PDZD2: variants seen among roughly 807,000 people sequenced by gnomAD.
PDZD2 encodes the protein PDZ domain containing 2, also known as PDZ domain-containing protein 2.
PDZD2 carries 90 observed loss-of-function variants against 220.7 expected under a neutral mutation model. The ratio of observed to expected loss-of-function variants is 0.41; its 90% confidence interval spans 0.34 to 0.49. The LOEUF (loss-of-function observed/expected upper bound fraction) is 0.49, where lower values mean the gene tolerates loss of function less well. PDZD2 is among the 20% of genes least tolerant of loss of function. The pLI, the probability that PDZD2 is intolerant of heterozygous loss-of-function variation, is 0.28. For synonymous variants in PDZD2, 1,375 were observed against 1,450.5 expected (o/e 0.95, Z 1.18); for missense variants, 3,174 against 3,608.5 (o/e 0.88, Z 3.08).
At chr5:31,725,277 G>T (rs1749053656) in intron 1 of PDZD2, among the ~76,000 whole-genome samples, 1 of 149,040 alleles carries the variant, frequency 6.7e-6, no homozygotes, top group African/African-American at 2.5e-5. Flanking sequence ...GGCGGAGGTT[G>T]TGGTGAGCCA....
intron 2 of PDZD2, among the ~76,000 whole-genome samples, chr5:31,861,055 G>T (rs1046059355): frequency 6.6e-6 from 1 of 152,270 alleles, no homozygotes; most frequent in East Asian, 1.9e-4. Context: ...AAAGTCTGTC[G>T]TGGAGTTTCT....
chr5:31,984,955 CAA>C (rs1251852756), intron 3 of PDZD2, among the ~76,000 whole-genome samples: 1 of 152,110 alleles, frequency 6.6e-6, no homozygotes, highest in African/African-American at 2.4e-5. Context: ...GCCCCTCTCT[CAA>C]GAGATTATGT....
chr5:31,819,091 C>A (rs1755655769), intron 2 of PDZD2, among the ~76,000 whole-genome samples: 1 of 152,222 alleles, frequency 6.6e-6, no homozygotes, highest in African/African-American at 2.4e-5. Context: ...ACTCTGTTAC[C>A]AGTATCTTTC....
At chr5:31,694,362 A>T (rs1373431793) in intron 1 of PDZD2, among the ~76,000 whole-genome samples, 4 of 152,168 alleles carry the variant, frequency 2.6e-5, no homozygotes, top group Non-Finnish European at 4.4e-5. Flanking sequence ...ACTGTACTGT[A>T]GCCTGGGCAA....
chr5:32,054,941 C>G (rs1738960461), intron 10 of PDZD2, among the ~76,000 whole-genome samples: 1 of 152,140 alleles, frequency 6.6e-6, no homozygotes, highest in African/African-American at 2.4e-5. Context: ...TAGTAAAGAG[C>G]AGAAGTGAAA....
intron 1 of PDZD2, among the ~76,000 whole-genome samples, chr5:31,738,037 G>A (rs778692355): frequency 2.0e-5 from 3 of 152,198 alleles, no homozygotes; most frequent in Non-Finnish European, 2.9e-5. Context: ...AGACCTGAAG[G>A]GTAGCAGTGA....
intron 2 of PDZD2, among the ~76,000 whole-genome samples, chr5:31,828,659 C>A (rs1326063784): frequency 1.3e-5 from 2 of 152,126 alleles, no homozygotes; most frequent in Non-Finnish European, 2.9e-5. Context: ...CTACACCTGG[C>A]TAATTTTGTA....
rs189793500 is a variant in PDZD2 at position 32,109,590 on chromosome 5, G to A, written c.*1455G>A. On this transcript the variant is annotated 3_prime_UTR_variant, in exon 25 of 25. Transcript: ENST00000438447. ...AGAAACAGGGTGAGTCAAGGTAAAG[G>A]AGCAGAAATGTAGTTACAAGCCAGG... is the stretch of plus-strand genomic sequence containing the variant. 1 of 152,326 alleles carries A rather than the reference G, an allele frequency of 6.6e-6. No homozygotes were observed. The highest frequency in any genetic ancestry group is 2.4e-5 in the African/African-American group (1 of 41,550). The allele number at this position is 152,326 out of a possible 1,614,324, so 9.4% of individuals were successfully genotyped here. A position where few individuals can be genotyped will look rare whatever the true frequency, so the allele number is the denominator to read the frequency against.
rs149471217 is a variant in PDZD2 at position 31,791,865 on chromosome 5, A to G, written c.-360-7024A>G. ...GGTTCTGTTACTTTCAGTTCCCCCA[A>G]CTTCCAGGCACTGAATTCTGTGTTT... On this transcript the variant is annotated intron_variant, in intron 1 of 24. Coordinates refer to ENST00000438447, the MANE Select transcript of PDZD2 (RefSeq NM_178140.4). Among the ~76,000 whole-genome samples the G allele has an allele frequency of 1.1e-4, 16 of 152,202 alleles. No individual in the cohort carries two copies. In the East Asian group the frequency reaches 1.9e-3, roughly 18 times the overall value.
intron 24 of PDZD2, among the ~76,000 whole-genome samples, chr5:32,106,747 G>A (rs1744800899): frequency 6.6e-6 from 1 of 152,186 alleles, no homozygotes. Flanking sequence ...TGCTAGAATA[G>A]GACATTGGGT....
chr5:31,967,774 T>C (rs558785732), intron 2 of PDZD2, among the ~76,000 whole-genome samples: 1 of 152,232 alleles, frequency 6.6e-6, no homozygotes, highest in South Asian at 2.1e-4. Flanking sequence ...CCCTGGGCAA[T>C]CTTCAGCTCT....
At chr5:31,734,992 C>T (rs1293724426) in intron 1 of PDZD2, among the ~76,000 whole-genome samples, 1 of 152,132 alleles carries the variant, frequency 6.6e-6, no homozygotes, top group Non-Finnish European at 1.5e-5. Context: ...TGTCTCTGCC[C>T]TTCAGAATGG....
At position 32,002,762 on chromosome 5, in the gene PDZD2, A is replaced by ACCC. The variant is rs1561312824; in HGVS notation, c.1254+2492_1254+2493insCCC. On this transcript the variant is annotated intron_variant, in intron 5 of 24. Coordinates refer to ENST00000438447, the MANE Select transcript of PDZD2 (RefSeq NM_178140.4). ...CCACACACCAACACACACACCCCACACACCACACACACCAACACACAACCA... is the reference window on the plus strand; with the variant it reads ...CCACACACCAACACACACACCCCACACCCCACCACACACACCAACACACAACCA... 3.1e-4 allele frequency among the ~76,000 whole-genome samples: 8 copies of ACCC among 25,908 alleles called. 1 individual carries two copies. The highest frequency in any genetic ancestry group is 5.5e-4 in the African/African-American group (5 of 9,066). The allele number at this position is 25,908 out of a possible 152,430, so 17.0% of individuals were successfully genotyped here.
chr5:31,944,580 G>A (rs894943630), intron 2 of PDZD2, among the ~76,000 whole-genome samples: 1 of 152,356 alleles, frequency 6.6e-6, no homozygotes, highest in South Asian at 2.1e-4. Context: ...TCCAGGAGAG[G>A]AAATGTGGGA....
At chr5:31,706,210 C>T (rs1371240003) in intron 1 of PDZD2, among the ~76,000 whole-genome samples, 3 of 152,176 alleles carry the variant, frequency 2.0e-5, no homozygotes, top group Admixed American at 6.5e-5. Flanking sequence ...AAGATGTTGG[C>T]TGTATGGTCC....
intron 7 of PDZD2, among the ~76,000 whole-genome samples, chr5:32,042,935 G>A (rs35354731): frequency 0.17 from 25,970 of 152,108 alleles, 2,556 homozygotes; most frequent in Admixed American, 0.22. Flanking sequence ...TGAAACCAGC[G>A]AGGTCACATT....
intron 1 of PDZD2, among the ~76,000 whole-genome samples, chr5:31,787,293 T>C (rs933022500): frequency 2.0e-5 from 3 of 152,264 alleles, no homozygotes; most frequent in Non-Finnish European, 4.4e-5. Flanking sequence ...TAGTATGCTC[T>C]TTTAGAATTG....
intron 2 of PDZD2, among the ~76,000 whole-genome samples, chr5:31,944,835 A>G (rs1410942797): frequency 6.6e-6 from 1 of 152,218 alleles, no homozygotes; most frequent in Non-Finnish European, 1.5e-5. Flanking sequence ...CTCATGGCCC[A>G]TGTGCACCAG....
intron 1 of PDZD2, among the ~76,000 whole-genome samples, chr5:31,776,759 C>T (rs557052575): frequency 1.3e-5 from 2 of 151,470 alleles, no homozygotes; most frequent in South Asian, 2.1e-4. Flanking sequence ...AGCTATTCTC[C>T]TGCCTCAGCT....
Sources: allele counts gnomAD v4.1 joint callset (sites outside exome capture counted in the v4.1 genomes callset), GRCh38; gene constraint gnomAD v4.1.1; transcripts MANE v1.5; gene names NCBI Gene and HGNC (gene_info 2026-07-23, HGNC 2026-07-21).